Variants in AGBL4 observed in about 807,000 individuals in gnomAD.
The protein encoded by AGBL4 is AGBL carboxypeptidase 4, also known as cytosolic carboxypeptidase 6.
AGBL4 carries 58 observed loss-of-function variants against 66.4 expected under a neutral mutation model. That is an observed-to-expected ratio of 0.87 (90% CI 0.71 to 1.09). The LOEUF is 1.09. Among genes scored for constraint, AGBL4 ranks in the 50% least tolerant of loss-of-function variants. The pLI is 0.00. For synonymous variants in AGBL4, 234 were observed against 222.9 expected, an observed-to-expected ratio of 1.05 and a Z score of -0.44; for missense variants, 579 against 631.0, an observed-to-expected ratio of 0.92 and a Z score of 0.88.
chr1:48,908,245 G>A (rs1391128645), intron 5 of AGBL4, among the ~76,000 whole-genome samples: 2 of 152,064 alleles, frequency 1.3e-5, no homozygotes. Flanking sequence ...ACTTCACAAA[G>A]GGTCAACTCA....
intron 2 of AGBL4, among the ~76,000 whole-genome samples, chr1:49,835,758 G>C (rs905250506): frequency 4.6e-5 from 7 of 152,144 alleles, no homozygotes; most frequent in African/African-American, 1.7e-4. Context: ...CTCTTGTAAG[G>C]CAGGCCTGGT....
intron 5 of AGBL4, among the ~76,000 whole-genome samples, chr1:48,984,547 C>A (rs889279141): frequency 1.4e-5 from 2 of 147,708 alleles, no homozygotes; most frequent in Non-Finnish European, 3.0e-5. Flanking sequence ...TTTCAATATG[C>A]ACTGTGAGTG....
chr1:49,323,388 TCTC>T (rs1248378829), intron 3 of AGBL4, among the ~76,000 whole-genome samples: 1 of 151,594 alleles, frequency 6.6e-6, no homozygotes, highest in Non-Finnish European at 1.5e-5. Flanking sequence ...TTCAAACACT[TCTC>T]CTGCTTCAGC....
At chr1:48,729,025 T>C (rs1241533204) in intron 6 of AGBL4, among the ~76,000 whole-genome samples, 5 of 152,300 alleles carry the variant, frequency 3.3e-5, no homozygotes, top group African/African-American at 7.2e-5. Flanking sequence ...CCGACTTCAA[T>C]TGACTGCCTA....
chr1:49,490,929 T>C (rs1647173653), intron 3 of AGBL4, among the ~76,000 whole-genome samples: 1 of 151,704 alleles, frequency 6.6e-6, no homozygotes, highest in Admixed American at 6.6e-5. Flanking sequence ...TTGGATCAAT[T>C]ATATCACCTC....
intron 2 of AGBL4, among the ~76,000 whole-genome samples, chr1:49,822,524 A>G (rs1268750969): frequency 6.6e-6 from 1 of 152,108 alleles, no homozygotes; most frequent in African/African-American, 2.4e-5. Flanking sequence ...GGGTTTTGCT[A>G]TGTCAGTCAG....
downstream of AGBL4, among the ~76,000 whole-genome samples, chr1:48,530,201 A>T (rs1050384843): frequency 2.6e-5 from 4 of 152,240 alleles, no homozygotes; most frequent in East Asian, 7.7e-4. Flanking sequence ...GTGTAAAAAA[A>T]AGGTGTTTAC....
At chr1:49,247,334 G>C (rs1331996826) in intron 3 of AGBL4, among the ~76,000 whole-genome samples, 5 of 152,044 alleles carry the variant, frequency 3.3e-5, no homozygotes, top group Non-Finnish European at 7.4e-5. Flanking sequence ...AGCTTTTAGG[G>C]ATAACTTGTG....
chr1:49,359,873 AC>A (rs1165032896), intron 3 of AGBL4, among the ~76,000 whole-genome samples: 1 of 152,132 alleles, frequency 6.6e-6, no homozygotes, highest in Non-Finnish European at 1.5e-5. Context: ...TTCGCCCAGA[AC>A]CGGTATCCTG....
chr1:49,919,295 G>A (rs1001993541), intron 1 of AGBL4, among the ~76,000 whole-genome samples: 2 of 152,140 alleles, frequency 1.3e-5, no homozygotes, highest in African/African-American at 4.8e-5. Context: ...AAGTCACATT[G>A]GCCCTGTTTG....
intron 6 of AGBL4, among the ~76,000 whole-genome samples, chr1:48,711,464 T>C (rs889906873): frequency 3.3e-5 from 5 of 152,304 alleles, no homozygotes; most frequent in Admixed American, 6.5e-5. Context: ...CTTGTCTGCA[T>C]ACAATCAGGG....
intron 4 of AGBL4, among the ~76,000 whole-genome samples, chr1:49,106,393 T>C (rs1645293398): frequency 6.6e-6 from 1 of 152,178 alleles, no homozygotes; most frequent in African/African-American, 2.4e-5. Context: ...TATGTTCATT[T>C]TGAATTTCAG....
rs1304519873 is a variant in AGBL4 at position 48,980,480 on chromosome 1, A to G, written c.594+65104T>C. 2.6e-5 allele frequency among the ~76,000 whole-genome samples: 4 copies of G among 151,996 alleles called. No homozygotes were observed. The South Asian group carries it at 8.3e-4, about 32-fold the overall frequency. On this transcript the variant is annotated intron_variant, in intron 5 of 13. Coordinates refer to ENST00000371839, the MANE Select transcript of AGBL4 (RefSeq NM_032785.4). ...CCTAGAATCATAGAGTTATAGATTT[A>G]AGGAAACACAGAAACTTAGAACTTC...
intron 4 of AGBL4, among the ~76,000 whole-genome samples, chr1:49,188,764 T>C (rs887984720): frequency 6.6e-6 from 1 of 152,184 alleles, no homozygotes; most frequent in African/African-American, 2.4e-5. Flanking sequence ...TTACTAAATG[T>C]GTGACTTTGA....
At chr1:48,832,467 T>C (rs1025947086) in intron 6 of AGBL4, among the ~76,000 whole-genome samples, 3 of 152,174 alleles carry the variant, frequency 2.0e-5, no homozygotes, top group African/African-American at 4.8e-5. Context: ...ACAAAGTTTT[T>C]CAAGGTACTC....
At chr1:49,188,475 A>T (rs971452729) in intron 4 of AGBL4, among the ~76,000 whole-genome samples, 2 of 152,192 alleles carry the variant, frequency 1.3e-5, no homozygotes, top group South Asian at 4.1e-4. Context: ...TTCAATGGTG[A>T]ACCAAAAAAC....
intron 11 of AGBL4, among the ~76,000 whole-genome samples, chr1:48,544,362 G>A (rs1644125466): frequency 1.3e-5 from 2 of 152,212 alleles, no homozygotes. Context: ...GTGGACTGAG[G>A]TAAAAGATTG....
intron 4 of AGBL4, among the ~76,000 whole-genome samples, chr1:49,230,197 C>T (rs1460232801): frequency 6.6e-6 from 1 of 152,130 alleles, no homozygotes; most frequent in Non-Finnish European, 1.5e-5. Flanking sequence ...TTATGTGCCT[C>T]CAGGCAGATC....
chr1:48,709,927 G>C (rs975752575), intron 6 of AGBL4, among the ~76,000 whole-genome samples: 3 of 152,074 alleles, frequency 2.0e-5, no homozygotes, highest in Non-Finnish European at 4.4e-5. Flanking sequence ...TAAGAGCTTT[G>C]AATAATTAAC....
Sources: gnomAD v4.1 joint callset for allele counts (sites outside exome capture counted in the v4.1 genomes callset) on GRCh38, gnomAD v4.1.1 for gene constraint, MANE v1.5 for transcripts, NCBI Gene and HGNC (gene_info 2026-07-23, HGNC 2026-07-21) for gene names.